The following VWA8 variants were observed in gnomAD, a reference collection of about 807,000 sequenced individuals.
VWA8 encodes the protein von Willebrand factor A domain containing 8.
A neutral mutation model predicts 241.5 loss-of-function variants in VWA8; 221 were observed. The ratio of observed to expected loss-of-function variants is 0.91; its 90% CI spans 0.82 to 1.02. The LOEUF is 1.02. Among genes scored for constraint, VWA8 ranks in the 50% least tolerant of loss-of-function variants. The pLI is 0.00. For missense variants in VWA8, 2,322 were observed against 2,328.7 expected (o/e 1.00, Z 0.06); for synonymous variants, 852 against 827.1 (o/e 1.03, Z -0.52).
intron 19 of VWA8, among the ~76,000 whole-genome samples, chr13:41,780,055 A>C (rs958431657): frequency 2.0e-5 from 3 of 152,038 alleles, no homozygotes; most frequent in Admixed American, 6.5e-5. Context: ...TCTGAGCTGG[A>C]TCTTCCTGTA....
intron 2 of VWA8, among the ~76,000 whole-genome samples, chr13:41,917,581 C>A (rs961764329): frequency 6.6e-6 from 1 of 152,140 alleles, no homozygotes; most frequent in Non-Finnish European, 1.5e-5. Context: ...CCAATGAGAA[C>A]CAGGTACGGG....
rs535687098 is a variant in VWA8 at position 41,856,197 on chromosome 13, G to T, written c.1425+9539C>A. 1.7e-3 allele frequency among the ~76,000 whole-genome samples: 260 copies of T among 152,094 alleles called. 1 individual carries two copies. The highest frequency in any genetic ancestry group is 5.8e-3 in the African/African-American group (239 of 41,512). On this transcript the variant is annotated intron_variant, in intron 12 of 44. Transcript: ENST00000379310. ...CTAAAAATACAAAAATTGGCCAGCG[G>T]GGGTAGCACACATCTGTAATCCCAG...
intron 7 of VWA8, among the ~76,000 whole-genome samples, chr13:41,886,310 C>G (rs1307616179): frequency 2.6e-5 from 4 of 152,132 alleles, no homozygotes; most frequent in Admixed American, 6.5e-5. Context: ...CAAACCTAAA[C>G]TCTAGCCTCC....
chr13:41,672,183 T>C (rs1180288115), intron 36 of VWA8, among the ~76,000 whole-genome samples: 1 of 152,216 alleles, frequency 6.6e-6, no homozygotes, highest in Non-Finnish European at 1.5e-5. Context: ...TGCATTTGTA[T>C]GTGATATTTT....
chr13:41,910,926 T>A (rs1363927296), intron 3 of VWA8, among the ~76,000 whole-genome samples: 2 of 152,188 alleles, frequency 1.3e-5, no homozygotes, highest in Non-Finnish European at 2.9e-5. Context: ...CAAGGAATCT[T>A]TAAATAAGGT....
At chr13:41,898,324 G>A (rs1258403558) in intron 4 of VWA8, among the ~76,000 whole-genome samples, 2 of 145,944 alleles carry the variant, frequency 1.4e-5, no homozygotes, top group African/African-American at 2.6e-5. Flanking sequence ...GTGCCAATTG[G>A]TGTATTTACA....
chr13:41,861,547 C>G (rs935285795), intron 12 of VWA8, among the ~76,000 whole-genome samples: 1 of 152,080 alleles, frequency 6.6e-6, no homozygotes, highest in African/African-American at 2.4e-5. Flanking sequence ...CCTAAAAAAC[C>G]CTATAGACTC....
At chr13:41,573,486 A>AAAAAAAAAAT in intron 43 of VWA8, among the ~76,000 whole-genome samples, 3 of 113,612 alleles carry the variant, frequency 2.6e-5, no homozygotes, top group Admixed American at 2.0e-4. Context: ...AAAAAAAAAA[A>AAAAAAAAAAT]ATATATATAT....
At chr13:41,661,010 C>A (rs145130684) in intron 37 of VWA8, among the ~76,000 whole-genome samples, 133 of 151,972 alleles carry the variant, frequency 8.8e-4, no homozygotes, top group African/African-American at 3.0e-3. Context: ...GGACTACAGG[C>A]GCATGCCACC....
intron 20 of VWA8, among the ~76,000 whole-genome samples, chr13:41,766,935 T>C (rs1016111111): frequency 5.3e-5 from 8 of 152,168 alleles, no homozygotes; most frequent in African/African-American, 1.9e-4. Context: ...GCTCCCTGCA[T>C]GTTATCTAAG....
intron 43 of VWA8, among the ~76,000 whole-genome samples, chr13:41,571,346 CGTCTCCCTCTCCCTCTCCCCG>C (rs1285529648): frequency 9.2e-6 from 1 of 109,264 alleles, no homozygotes; most frequent in Non-Finnish European, 2.0e-5. Flanking sequence ...CTCCCTCTCC[CGTCTCCCTCTCCCTCTCCCCG>C]GTCTCCCTCT....
intron 34 of VWA8, among the ~76,000 whole-genome samples, chr13:41,688,773 G>A (rs190905017): frequency 2.4e-4 from 36 of 152,074 alleles, no homozygotes; most frequent in African/African-American, 8.2e-4. Flanking sequence ...GCGAAACATC[G>A]AGGACATACG....
chr13:41,835,305 G>T (rs1871671254), intron 12 of VWA8, among the ~76,000 whole-genome samples: 1 of 152,126 alleles, frequency 6.6e-6, no homozygotes, highest in South Asian at 2.1e-4. Flanking sequence ...GGCTCATTTT[G>T]AATCATAAAG....
At chr13:41,627,344 CTTTG>C (rs750471101) in intron 37 of VWA8, among the ~76,000 whole-genome samples, 4 of 152,058 alleles carry the variant, frequency 2.6e-5, no homozygotes, top group Non-Finnish European at 5.9e-5. Flanking sequence ...TCTTTCCTTG[CTTTG>C]TTTGTGTGTT....
At chr13:41,728,635 A>G (rs1470555338) in intron 23 of VWA8, among the ~76,000 whole-genome samples, 1 of 150,950 alleles carries the variant, frequency 6.6e-6, no homozygotes, top group Non-Finnish European at 1.5e-5. Flanking sequence ...TTTTTTTAAG[A>G]GAAAGTATTC....
In VWA8 at chr13:41,732,142, G is replaced by A; in HGVS notation, c.2440C>T (p.Gln814Ter). The A allele has an allele frequency of 6.2e-7, 1 of 1,612,476 alleles. No homozygotes were observed. The highest frequency in any genetic ancestry group is 1.1e-5 in the South Asian group (1 of 90,912). ...ACCGAAGGCTGAAGCGTAAGAGTTTGTACTGTGGTATCCCTAAAGTAAAAC... is the reference window on the plus strand; with the variant it reads ...ACCGAAGGCTGAAGCGTAAGAGTTTATACTGTGGTATCCCTAAAGTAAAAC... ...YIQLHRDTTVQTLTLQPSVKD... is the reference protein window; with the variant it reads ...YIQLHRDTTV The change falls in exon 22 of 45, where the codon CAA (glutamine) becomes TAA (stop). Residue 814 changes from glutamine to a stop codon, truncating the protein, a stop_gained. Transcript: ENST00000379310. LOFTEE classifies it high-confidence loss of function.
At chr13:41,722,032 A>G (rs1371789678) in intron 24 of VWA8, among the ~76,000 whole-genome samples, 1 of 152,178 alleles carries the variant, frequency 6.6e-6, no homozygotes, top group Admixed American at 6.6e-5. Context: ...TATATTTCAA[A>G]TGGTTCTGAG....
At chr13:41,944,151 A>C (rs1877736895) in intron 2 of VWA8, among the ~76,000 whole-genome samples, 1 of 151,072 alleles carries the variant, frequency 6.6e-6, no homozygotes, top group African/African-American at 2.4e-5. Context: ...AATAAACCAC[A>C]GTGAGAGGAC....
rs764807106 is a variant in VWA8, at chr13:41,883,441, T to A, written c.1026A>T (p.Pro342=). Residue 342 remains proline, a synonymous_variant, in exon 9 of 45, where the codon CCA becomes CCT. Coordinates refer to ENST00000379310, the MANE Select transcript of VWA8 (RefSeq NM_015058.2). The stretch of plus-strand genomic sequence containing the variant: ...CTTCATGACCTAGTAAAATACTATA[T>A]GGATAAAGCCACTGGATTGCATGTT... ...PIKHAIQWLY[P]YSILLGHEGK... 5.0e-6 allele frequency: 8 copies of A among 1,613,628 alleles called. No homozygotes were observed. Among genetic ancestry groups the A allele is most frequent in the Non-Finnish European group, 5.9e-6 (7 of 1,179,810 alleles).
Sources: gnomAD v4.1 joint callset for allele counts (sites outside exome capture counted in the v4.1 genomes callset) on GRCh38, gnomAD v4.1.1 for gene constraint, MANE v1.5 for transcripts, NCBI Gene and HGNC (gene_info 2026-07-23, HGNC 2026-07-21) for gene names.